The following TTC39B variants were observed in gnomAD, a reference collection of about 807,000 sequenced individuals.
TTC39B encodes the protein tetratricopeptide repeat domain 39B.
In TTC39B, 92 loss-of-function variants were observed where a neutral mutation model predicts 96.6. The observed-to-expected ratio is 0.95, with a 90% CI of 0.80 to 1.13. TTC39B has a LOEUF of 1.13. Among genes scored for constraint, TTC39B ranks in the 50% most tolerant of loss-of-function variants. The pLI, the probability that TTC39B is intolerant of heterozygous loss-of-function variation, is 0.00. For missense variants in TTC39B, 955 were observed against 809.3 expected, an observed-to-expected ratio of 1.18 and a Z score of -2.18; for synonymous variants, 367 against 299.4, an observed-to-expected ratio of 1.23 and a Z score of -2.33.
chr9:15,168,850 G>A (rs1352580910), exon 20 of TTC39B: 1 of 151,886 alleles, frequency 6.6e-6, no homozygotes, highest in Non-Finnish European at 1.5e-5. Flanking sequence ...TAAAAGGAGT[G>A]GAAAGTATTA....
At chr9:15,194,546 T>A (rs939744554) in intron 8 of TTC39B, among the ~76,000 whole-genome samples, 1 of 152,208 alleles carries the variant, frequency 6.6e-6, no homozygotes, top group African/African-American at 2.4e-5. Flanking sequence ...AAGGCATACC[T>A]TGTTTTACTG....
rs150998909 is a variant in TTC39B, at chr9:15,191,485, G to T, written c.931-230C>A. On this transcript the variant is annotated intron_variant, in intron 9 of 19. Transcript: ENST00000512701. ...TTTTTTTTAAGCCTGGTCTTTCCAGGGTTCTCTATAGAATACTGGGACCTT... is the reference window on the plus strand; with the variant it reads ...TTTTTTTTAAGCCTGGTCTTTCCAGTGTTCTCTATAGAATACTGGGACCTT... Among the ~76,000 whole-genome samples the T allele has an allele frequency of 4.2e-3, 636 of 152,188 alleles. 1 individual carries two copies. Among genetic ancestry groups the T allele is most frequent in the African/African-American group, 0.014 (594 of 41,510 alleles).
At chr9:15,203,167 A>G (rs1223633625) in intron 7 of TTC39B, among the ~76,000 whole-genome samples, 1 of 152,238 alleles carries the variant, frequency 6.6e-6, no homozygotes, top group African/African-American at 2.4e-5. Context: ...CTACCAGTAG[A>G]AAGCGCAAAG....
At position 15,268,094 on chromosome 9, in the gene TTC39B, C is replaced by T. The variant is rs552215219; in HGVS notation, c.241-146G>A. The T allele has an allele frequency of 2.7e-4, 160 of 602,102 alleles. 2 individuals are homozygous for T. In the South Asian group the frequency reaches 4.0e-3, roughly 15 times the overall value. The allele number at this position is 602,102 out of a possible 1,614,324, so 37.3% of individuals were successfully genotyped here. Reference sequence around the variant, plus strand: ...GGCAGTAGAATCAATCAACTTAACGCTTATGGAATTCTGTTTACAGAAATC... The same window carrying T: ...GGCAGTAGAATCAATCAACTTAACGTTTATGGAATTCTGTTTACAGAAATC... On this transcript the variant is annotated intron_variant, in intron 1 of 19. Coordinates refer to ENST00000512701, the Ensembl canonical transcript of TTC39B.
intron 3 of TTC39B, among the ~76,000 whole-genome samples, chr9:15,222,094 C>G (rs1820875355): frequency 6.6e-6 from 1 of 152,186 alleles, no homozygotes; most frequent in Admixed American, 6.5e-5. Context: ...CCTCAGCTTT[C>G]CCGAGCTCAG....
At chr9:15,201,262 A>C (rs1428592472) in intron 7 of TTC39B, among the ~76,000 whole-genome samples, 3 of 147,298 alleles carry the variant, frequency 2.0e-5, no homozygotes, top group Non-Finnish European at 4.5e-5. Context: ...ATATACCTCA[A>C]AAAAAAAAAA....
chr9:15,185,467 C>G, intron 15 of TTC39B, 61 bp from the exon 16 acceptor site: 1 of 1,598,686 alleles, frequency 6.3e-7, no homozygotes, highest in Non-Finnish European at 8.5e-7. Context: ...ATTATTTGTA[C>G]CTGTGGTTTT....
intron 1 of TTC39B, among the ~76,000 whole-genome samples, chr9:15,281,949 ATT>A (rs1823782778): frequency 1.3e-5 from 2 of 152,188 alleles, no homozygotes; most frequent in Non-Finnish European, 2.9e-5. Flanking sequence ...AAGTGTTGAG[ATT>A]ACAGGCATGA....
chr9:15,270,730 G>A (rs1823317585), intron 1 of TTC39B, among the ~76,000 whole-genome samples: 1 of 145,060 alleles, frequency 6.9e-6, no homozygotes, highest in Non-Finnish European at 1.5e-5. Flanking sequence ...GTAAGACCCT[G>A]TATCTAATAA....
At chr9:15,206,075 AG>A (rs1819833253) in intron 6 of TTC39B, among the ~76,000 whole-genome samples, 2 of 152,142 alleles carry the variant, frequency 1.3e-5, no homozygotes, top group African/African-American at 4.8e-5. Flanking sequence ...CAAAGTTAAG[AG>A]CAGCATGGGG....
intron 8 of TTC39B, among the ~76,000 whole-genome samples, chr9:15,199,461 C>T (rs1482176726): frequency 1.3e-5 from 2 of 151,928 alleles, no homozygotes; most frequent in African/African-American, 2.4e-5. Flanking sequence ...TCAGGCCAGG[C>T]GCGGTGGCTC....
chr9:15,201,219 C>A (rs1392938423), intron 7 of TTC39B, among the ~76,000 whole-genome samples: 1 of 150,480 alleles, frequency 6.6e-6, no homozygotes, highest in Admixed American at 6.6e-5. Flanking sequence ...AATCCAATAC[C>A]AACCAGAAAA....
intron 2 of TTC39B, among the ~76,000 whole-genome samples, chr9:15,246,838 G>C (rs1822301449): frequency 6.6e-6 from 1 of 152,212 alleles, no homozygotes; most frequent in African/African-American, 2.4e-5. Context: ...ATTCCAAGTG[G>C]GCAGAGATGA....
At chr9:15,291,859 A>C (rs937278596) in intron 1 of TTC39B, among the ~76,000 whole-genome samples, 5 of 152,228 alleles carry the variant, frequency 3.3e-5, no homozygotes, top group African/African-American at 1.2e-4. Context: ...CTTGCAAGGC[A>C]GCAGACACAG....
intron 3 of TTC39B, among the ~76,000 whole-genome samples, chr9:15,219,726 T>C (rs1820736251): frequency 6.6e-6 from 1 of 152,158 alleles, no homozygotes; most frequent in African/African-American, 2.4e-5. Flanking sequence ...AATTATCTGA[T>C]TGGTGAGTTG....
rs146939465 is a variant in TTC39B at position 15,239,420 on chromosome 9, T to C, written c.276-13408A>G. On this transcript the variant is annotated intron_variant, in intron 2 of 19. Transcript: ENST00000512701. ...GACAGCAATCCCACTGCCTGGTATC[T>C]ACCCAAAGGAAAAGAAATCATTATA... is the stretch of plus-strand genomic sequence containing the variant. Among the ~76,000 whole-genome samples the C allele has an allele frequency of 5.3e-5, 8 of 152,318 alleles. No homozygotes were observed. The East Asian group carries it at 1.5e-3, about 29-fold the overall frequency.
intron 3 of TTC39B, 94 bp downstream of exon 3, chr9:15,225,823 A>T: frequency 1.7e-6 from 2 of 1,160,322 alleles, no homozygotes; most frequent in Non-Finnish European, 2.4e-6. Flanking sequence ...GGTTTGTCAA[A>T]CGCAATGCAC....
At chr9:15,300,176 C>T (rs1824533712) in intron 1 of TTC39B, among the ~76,000 whole-genome samples, 2 of 152,180 alleles carry the variant, frequency 1.3e-5, no homozygotes, top group Admixed American at 1.3e-4. Context: ...TCAGAAAATT[C>T]AGTGAGGCAT....
chr9:15,253,338 G>A (rs1822633527), intron 2 of TTC39B, among the ~76,000 whole-genome samples: 1 of 152,218 alleles, frequency 6.6e-6, no homozygotes, highest in East Asian at 1.9e-4. Flanking sequence ...AGAGTGATTT[G>A]AAGATGCTAT....
Sources: allele counts gnomAD v4.1 joint callset (sites outside exome capture counted in the v4.1 genomes callset), GRCh38; gene constraint gnomAD v4.1.1; transcripts MANE v1.5; gene names NCBI Gene and HGNC (gene_info 2026-07-23, HGNC 2026-07-21).